Variants in ANKS1B observed in about 807,000 individuals in gnomAD.
The protein encoded by ANKS1B is ankyrin repeat and sterile alpha motif domain-containing protein 1B.
In ANKS1B, 36 loss-of-function variants were observed where a neutral mutation model predicts 148.3. The ratio of observed to expected loss-of-function variants is 0.24; its 90% CI spans 0.19 to 0.32. The LOEUF (loss-of-function observed/expected upper bound fraction) is 0.32, where lower values mean the gene tolerates loss of function less well. Among genes scored for constraint, ANKS1B ranks in the 10% least tolerant of loss-of-function variants. The pLI, the probability that ANKS1B is intolerant of heterozygous loss-of-function variation, is 1.00. For missense variants in ANKS1B, 1,157 were observed against 1,542.6 expected (o/e 0.75, Z 4.19); for synonymous variants, 542 against 560.8 (o/e 0.97, Z 0.47).
chr12:99,315,891 A>G (rs1338401446), intron 12 of ANKS1B, among the ~76,000 whole-genome samples: 2 of 151,678 alleles, frequency 1.3e-5, no homozygotes, highest in Non-Finnish European at 2.9e-5. Flanking sequence ...TCATTGTTCA[A>G]CTCCCACCTA....
chr12:99,794,725 G>A (rs1326940992), intron 4 of ANKS1B, among the ~76,000 whole-genome samples: 2 of 151,856 alleles, frequency 1.3e-5, no homozygotes, highest in African/African-American at 4.8e-5. Context: ...GGGTTAGAGG[G>A]AGGTGGGGAT....
chr12:99,575,797 A>G (rs559704239), intron 9 of ANKS1B, among the ~76,000 whole-genome samples: 30 of 152,088 alleles, frequency 2.0e-4, no homozygotes, highest in Non-Finnish European at 4.0e-4. Context: ...CACCAAAAAA[A>G]TACACTCAAG....
chr12:99,526,492 G>T (rs923313034), intron 9 of ANKS1B, among the ~76,000 whole-genome samples: 2 of 152,152 alleles, frequency 1.3e-5, no homozygotes, highest in African/African-American at 4.8e-5. Context: ...TAAAATGGGA[G>T]TGTGGGTGGA....
At chr12:98,903,612 T>C (rs1384780728) in intron 17 of ANKS1B, among the ~76,000 whole-genome samples, 8 of 152,250 alleles carry the variant, frequency 5.3e-5, no homozygotes, top group Admixed American at 5.2e-4. Flanking sequence ...TGATAGTTTT[T>C]GAGGCTCTGG....
intron 9 of ANKS1B, among the ~76,000 whole-genome samples, chr12:99,614,912 A>G (rs2097939285): frequency 6.6e-6 from 1 of 150,396 alleles, no homozygotes; most frequent in South Asian, 2.1e-4. Flanking sequence ...AAGTTGCTTT[A>G]GTTTAAGGTT....
intron 1 of ANKS1B, among the ~76,000 whole-genome samples, chr12:99,979,621 T>G (rs1825700263): frequency 6.6e-6 from 1 of 152,028 alleles, no homozygotes; most frequent in Non-Finnish European, 1.5e-5. Context: ...GTAGAAGGAA[T>G]TTTTGCCAAT....
chr12:99,965,422 G>T (rs955651591), intron 1 of ANKS1B, among the ~76,000 whole-genome samples: 2 of 152,186 alleles, frequency 1.3e-5, no homozygotes, highest in Non-Finnish European at 2.9e-5. Flanking sequence ...GTTTGATGAG[G>T]AATGGGATAT....
Position 99,655,191 on chromosome 12 carries a change from T to C in ANKS1B, c.1148A>G (p.Asn383Ser), listed in dbSNP as rs370402378. 19 of 1,610,590 alleles carry C rather than the reference T, an allele frequency of 1.2e-5. No homozygotes were observed. Among genetic ancestry groups the C allele is most frequent in the Middle Eastern group, 1.6e-4 (1 of 6,072 alleles). Residue 383 changes from asparagine (N) to serine (S), a missense_variant, in exon 9 of 27, where the codon AAT (asparagine) becomes AGT (serine). Around this residue, in one of 6 missense-constraint regions of ANKS1B, gnomAD observed 661 missense variants for 642.1 expected, o/e 1.03. Transcript: ENST00000683438. ...SQSVRTSSTI[N>S]LSPGEVEEED... ...TTCTTCCACTTCTCCTGGTGACAAA[T>C]TGATTGTAGATGAGGTTCTCTGAAA...
intron 17 of ANKS1B, among the ~76,000 whole-genome samples, chr12:98,921,073 A>C (rs1021352026): frequency 2.6e-5 from 4 of 152,182 alleles, no homozygotes; most frequent in Non-Finnish European, 4.4e-5. Context: ...TCTTATTAAA[A>C]GTATGTCTTT....
In ANKS1B at chr12:99,649,220, T is replaced by C. The variant is rs2098402055; in HGVS notation, c.1272+5847A>G. The C allele has an allele frequency of 2.5e-6, 3 of 1,215,312 alleles. No individual in the cohort carries two copies. The Admixed American group carries it at 5.3e-5, about 22-fold the overall frequency. 75.3% of individuals were successfully genotyped at this position (1,215,312 alleles called of 1,614,324 possible). A position where few individuals can be genotyped will look rare whatever the true frequency, so the allele number is the denominator to read the frequency against. On this transcript the variant is annotated intron_variant, in intron 9 of 26. Transcript: ENST00000683438. ...CTTGTGCAATAATTTCTTTTTGTTG[T>C]TTACCTATAGGAAGAGAAAGGAGAT... is the stretch of plus-strand genomic sequence containing the variant.
intron 14 of ANKS1B, among the ~76,000 whole-genome samples, chr12:99,224,973 A>G (rs1169910309): frequency 6.6e-6 from 1 of 152,176 alleles, no homozygotes; most frequent in Non-Finnish European, 1.5e-5. Flanking sequence ...TACACAGAAC[A>G]GGTTAAATAG....
chr12:99,220,178 T>G (rs1220529137), intron 14 of ANKS1B, among the ~76,000 whole-genome samples: 1 of 152,070 alleles, frequency 6.6e-6, no homozygotes, highest in Non-Finnish European at 1.5e-5. Flanking sequence ...TTTTGTATTT[T>G]GAGTAGAGAC....
At chr12:98,947,777 T>C (rs371930537) in intron 17 of ANKS1B, among the ~76,000 whole-genome samples, 1 of 152,206 alleles carries the variant, frequency 6.6e-6, no homozygotes, top group Non-Finnish European at 1.5e-5. Context: ...TTGCCCTTTA[T>C]CCTTGTTGTG....
At chr12:99,450,312 C>T (rs1453592130) in intron 10 of ANKS1B, among the ~76,000 whole-genome samples, 1 of 152,154 alleles carries the variant, frequency 6.6e-6, no homozygotes, top group Non-Finnish European at 1.5e-5. Context: ...GTCTGCCATT[C>T]AAATATTAAT....
intron 1 of ANKS1B, among the ~76,000 whole-genome samples, chr12:99,910,042 A>T (rs2093944138): frequency 6.6e-6 from 1 of 152,170 alleles, no homozygotes; most frequent in Admixed American, 6.5e-5. Flanking sequence ...TGCAAGCTGT[A>T]AAAAGATCCA....
intron 4 of ANKS1B, among the ~76,000 whole-genome samples, chr12:99,803,968 G>C (rs1303241442): frequency 3.9e-5 from 6 of 152,178 alleles, no homozygotes; most frequent in African/African-American, 1.4e-4. Flanking sequence ...GGCAGAGATA[G>C]TTTTGGTTTT....
chr12:98,901,868 A>T (rs2099772580), intron 17 of ANKS1B, among the ~76,000 whole-genome samples: 1 of 152,140 alleles, frequency 6.6e-6, no homozygotes, highest in Non-Finnish European at 1.5e-5. Flanking sequence ...GCTCTTCCTT[A>T]TACTCAAGGC....
At position 98,976,549 on chromosome 12, in the gene ANKS1B, T is replaced by G. The variant is rs565600858; in HGVS notation, c.2778+76608A>C. On this transcript the variant is annotated intron_variant, in intron 17 of 26. Transcript: ENST00000683438. ...GCCTGCCTAGCTGCTCTTTTTCTTTTGTAATTACCAAGATCCCGACGGTTT... is the reference window on the plus strand; with the variant it reads ...GCCTGCCTAGCTGCTCTTTTTCTTTGGTAATTACCAAGATCCCGACGGTTT... The G allele has an allele frequency of 2.6e-5, 4 of 152,342 alleles. No individual in the cohort carries two copies. The East Asian group carries it at 7.7e-4, about 29-fold the overall frequency. 9.4% of individuals were successfully genotyped at this position (152,342 alleles called of 1,614,324 possible). A position where few individuals can be genotyped will look rare whatever the true frequency, so the allele number is the denominator to read the frequency against.
intron 1 of ANKS1B, among the ~76,000 whole-genome samples, chr12:99,838,383 G>A (rs1205477224): frequency 2.0e-5 from 3 of 152,140 alleles, no homozygotes; most frequent in Non-Finnish European, 4.4e-5. Context: ...CACCAATGGT[G>A]TATAAGCATT....
Sources: gnomAD v4.1 joint callset for allele counts (sites outside exome capture counted in the v4.1 genomes callset) on GRCh38, gnomAD v4.1.1 for gene constraint, gnomAD v4.1.1 regional missense constraint, MANE v1.5 for transcripts, NCBI Gene and HGNC (gene_info 2026-07-23, HGNC 2026-07-21) for gene names.